EXOC2: variants seen among roughly 807,000 people sequenced by gnomAD.
The protein encoded by EXOC2 is exocyst complex component 2.
Under a neutral mutation model 131.8 loss-of-function variants are expected in EXOC2, and 70 were observed. The ratio of observed to expected loss-of-function variants is 0.53; its 90% CI spans 0.44 to 0.65. The LOEUF (loss-of-function observed/expected upper bound fraction) is 0.65, where lower values mean the gene tolerates loss of function less well. EXOC2 is among the 30% of genes least tolerant of loss of function. The probability of loss-of-function intolerance (pLI) is 0.00; values close to 1 mark genes in which losing one functional copy is unlikely to be tolerated. For synonymous variants in EXOC2, 411 were observed against 398.4 expected (o/e 1.03, Z -0.38); for missense variants, 923 against 1,108.6 (o/e 0.83, Z 2.38).
At chr6:602,728 C>T (rs1760169481) in intron 7 of EXOC2, among the ~76,000 whole-genome samples, 1 of 152,204 alleles carries the variant, frequency 6.6e-6, no homozygotes, top group Non-Finnish European at 1.5e-5. Context: ...GACAATGCCT[C>T]TCACTGTCTC....
At chr6:522,244 G>A (rs1340983109) in intron 23 of EXOC2, among the ~76,000 whole-genome samples, 60 of 152,150 alleles carry the variant, frequency 3.9e-4, no homozygotes, top group Non-Finnish European at 2.9e-5. Context: ...ACAGCAAGGT[G>A]TCTCCAGGCC....
rs559108533 is a variant in EXOC2 at position 606,819 on chromosome 6, T to G, written c.742+3279A>C. 8.4e-4 allele frequency among the ~76,000 whole-genome samples: 128 copies of G among 152,324 alleles called. 1 individual carries two copies. The highest frequency in any genetic ancestry group is 3.0e-3 in the Admixed American group (46 of 15,306). On this transcript the variant is annotated intron_variant, in intron 7 of 27. Coordinates refer to ENST00000230449, the MANE Select transcript of EXOC2 (RefSeq NM_018303.6). ...CACAGCCAGCTATTCCTTCCGTCAC[T>G]CTCCATTTGGTGGATTTGCGTTTCA...
intron 23 of EXOC2, among the ~76,000 whole-genome samples, chr6:521,685 C>T (rs1311686464): frequency 6.6e-6 from 1 of 152,066 alleles, no homozygotes; most frequent in African/African-American, 2.4e-5. Context: ...TGCCACCATG[C>T]CCAGCTAATT....
intron 3 of EXOC2, among the ~76,000 whole-genome samples, chr6:630,503 T>C (rs1023778134): frequency 6.6e-6 from 1 of 152,230 alleles, no homozygotes; most frequent in Non-Finnish European, 1.5e-5. Flanking sequence ...GAAAAACCAT[T>C]ATGCATATAT....
chr6:515,587 A>G (rs934879725), intron 23 of EXOC2, among the ~76,000 whole-genome samples: 2 of 151,526 alleles, frequency 1.3e-5, no homozygotes, highest in African/African-American at 2.4e-5. Context: ...CCTAGGAGGG[A>G]GCGAGAAGCC....
At chr6:627,160 CCTTTT>C (rs553549930) in intron 4 of EXOC2, among the ~76,000 whole-genome samples, 42 of 151,184 alleles carry the variant, frequency 2.8e-4, no homozygotes, top group Non-Finnish European at 4.7e-4. Flanking sequence ...GCCTTTCCTT[CCTTTT>C]ATCTTTCTCT....
At chr6:667,860 CCCATCCATCCATCCAT>C (rs200385451) in intron 1 of EXOC2, among the ~76,000 whole-genome samples, 89 of 114,098 alleles carry the variant, frequency 7.8e-4, no homozygotes, top group South Asian at 2.6e-3. Context: ...TAAATCCCCT[CCCATCCATCCATCCAT>C]CCATCCATCC....
chr6:630,277 A>G (rs1020634311), intron 3 of EXOC2, among the ~76,000 whole-genome samples: 7 of 152,246 alleles, frequency 4.6e-5, no homozygotes, highest in African/African-American at 2.4e-5. Flanking sequence ...AATAATAAAC[A>G]CTACAATTAA....
intron 1 of EXOC2, among the ~76,000 whole-genome samples, chr6:648,435 C>T (rs528324461): frequency 6.6e-5 from 10 of 152,292 alleles, no homozygotes; most frequent in Admixed American, 2.6e-4. Context: ...TTTAAAGGAA[C>T]GCTCTAGTCT....
At chr6:646,525 A>G (rs553383966) in intron 1 of EXOC2, among the ~76,000 whole-genome samples, 4 of 152,208 alleles carry the variant, frequency 2.6e-5, no homozygotes, top group Non-Finnish European at 5.9e-5. Context: ...TGCTTTGGTA[A>G]TATTTTGAAA....
chr6:627,465 C>T (rs1005349638), intron 4 of EXOC2, among the ~76,000 whole-genome samples: 3 of 152,208 alleles, frequency 2.0e-5, no homozygotes, highest in Non-Finnish European at 4.4e-5. Flanking sequence ...GGGCCCTCCC[C>T]GTGTTCCCTG....
intron 23 of EXOC2, among the ~76,000 whole-genome samples, chr6:515,341 AG>A (rs1466016986): frequency 1.3e-5 from 2 of 152,258 alleles, no homozygotes; most frequent in African/African-American, 4.8e-5. Context: ...CATGAAAAAA[AG>A]TTCATGTCTT....
rs1400836118 is a variant in EXOC2, at chr6:506,758, T to TTAC, written c.2381-7059_2381-7058insGTA. 3.3e-5 allele frequency among the ~76,000 whole-genome samples: 5 copies of TTAC among 152,118 alleles called. No homozygotes were observed. Among genetic ancestry groups the TTAC allele is most frequent in the African/African-American group, 1.2e-4 (5 of 41,408 alleles). On this transcript the variant is annotated intron_variant, in intron 23 of 27. Coordinates refer to ENST00000230449, the MANE Select transcript of EXOC2 (RefSeq NM_018303.6). This position sits in a 1 kb window ranked among gnomAD's most constrained non-coding sequence, Gnocchi z 4.4. ...AGGCTCATCTCTACTGAGCAAGAACTTGTAGGCTGTTTCCTGTAAGCCAGC... is the reference window on the plus strand; with the variant it reads ...AGGCTCATCTCTACTGAGCAAGAACTTACTGTAGGCTGTTTCCTGTAAGCCAGC...
At chr6:602,540 G>T (rs1000635537) in intron 7 of EXOC2, among the ~76,000 whole-genome samples, 5 of 152,140 alleles carry the variant, frequency 3.3e-5, no homozygotes, top group Non-Finnish European at 7.3e-5. Context: ...AGCTGGTAAG[G>T]GTTTGAACAT....
chr6:587,692 T>C (rs1230135296), intron 11 of EXOC2, among the ~76,000 whole-genome samples: 2 of 152,256 alleles, frequency 1.3e-5, no homozygotes, highest in African/African-American at 4.8e-5. Context: ...GGAAACGTTC[T>C]GTCCGCGTCT....
At position 622,590 on chromosome 6, in the gene EXOC2, C is replaced by G. The variant is rs186391747; in HGVS notation, c.423-3047G>C. On this transcript the variant is annotated intron_variant, in intron 4 of 27. Coordinates refer to ENST00000230449, the MANE Select transcript of EXOC2 (RefSeq NM_018303.6). ...AAGTATAAAATGCAGACACAAAACTCAAAAATACAGCAGCTGCATGCCCTG... is the reference window on the plus strand; with the variant it reads ...AAGTATAAAATGCAGACACAAAACTGAAAAATACAGCAGCTGCATGCCCTG... Among the ~76,000 whole-genome samples the G allele has an allele frequency of 2.7e-3, 404 of 152,252 alleles. 3 individuals carry two copies. The highest frequency in any genetic ancestry group is 0.014 in the Middle Eastern group (4 of 294).
chr6:566,275 A>G (rs2476843), intron 13 of EXOC2, among the ~76,000 whole-genome samples: 4,400 of 152,282 alleles, frequency 0.029, 202 homozygotes, highest in African/African-American at 0.1. Flanking sequence ...GAAGTGTTTT[A>G]AGCAGGTGAG....
chr6:621,873 T>C (rs1761310324), intron 4 of EXOC2, among the ~76,000 whole-genome samples: 1 of 152,234 alleles, frequency 6.6e-6, no homozygotes, highest in African/African-American at 2.4e-5. Context: ...GAAAATCCTT[T>C]CACCTTTGGA....
At chr6:677,455 A>G (rs1048478693) in intron 1 of EXOC2, among the ~76,000 whole-genome samples, 1 of 152,262 alleles carries the variant, frequency 6.6e-6, no homozygotes, top group African/African-American at 2.4e-5. Flanking sequence ...ACATTAGGAC[A>G]CAACTAGCCA....
Sources: gnomAD v4.1 joint callset for allele counts (sites outside exome capture counted in the v4.1 genomes callset) on GRCh38, gnomAD v4.1.1 for gene constraint, Gnocchi (gnomAD v3.1) non-coding constraint, MANE v1.5 for transcripts, NCBI Gene and HGNC (gene_info 2026-07-23, HGNC 2026-07-21) for gene names.